The following DNAH9 variants were observed in gnomAD, a reference collection of about 807,000 sequenced individuals.
DNAH9 encodes DNAH9 variant protein.
A neutral mutation model predicts 471.6 loss-of-function variants in DNAH9; 345 were observed. That is an observed-to-expected ratio of 0.73 (90% CI 0.67 to 0.80). The LOEUF (loss-of-function observed/expected upper bound fraction) is 0.80, where lower values mean the gene tolerates loss of function less well. Among genes scored for constraint, DNAH9 ranks in the 30% least tolerant of loss-of-function variants. The pLI, the probability that DNAH9 is intolerant of heterozygous loss-of-function variation, is 0.00. For missense variants in DNAH9, 5,407 were observed against 5,609.2 expected, an observed-to-expected ratio of 0.96 and a Z score of 1.15; for synonymous variants, 2,093 against 2,123.6, an observed-to-expected ratio of 0.99 and a Z score of 0.40.
chr17:11,792,118 C>T (rs554866918), intron 41 of DNAH9, among the ~76,000 whole-genome samples: 2 of 152,090 alleles, frequency 1.3e-5, no homozygotes, highest in South Asian at 4.2e-4. Flanking sequence ...CCCATCTCTA[C>T]TAAAAATTAG....
At chr17:11,694,497 C>A (rs1213491085) in intron 22 of DNAH9, 50 bp downstream of exon 22, 6 of 1,607,206 alleles carry the variant, frequency 3.7e-6, no homozygotes, top group Non-Finnish European at 5.1e-6. Flanking sequence ...TGAGGGGTGC[C>A]CAGCAGGAGG....
intron 31 of DNAH9, among the ~76,000 whole-genome samples, chr17:11,747,271 C>T (rs1346503285): frequency 6.6e-6 from 1 of 152,200 alleles, no homozygotes; most frequent in Non-Finnish European, 1.5e-5. Flanking sequence ...CTCCATCACA[C>T]TATAAGATCA....
chr17:11,739,153 T>C, intron 29 of DNAH9, 116 bp downstream of exon 29: 1 of 1,063,522 alleles, frequency 9.4e-7, no homozygotes, highest in Non-Finnish European at 1.3e-6. Context: ...GAAAAGTAGA[T>C]TTGTAACAAC....
intron 27 of DNAH9, among the ~76,000 whole-genome samples, chr17:11,720,538 A>G (rs2075038588): frequency 6.6e-6 from 1 of 152,206 alleles, no homozygotes; most frequent in Non-Finnish European, 1.5e-5. Context: ...CATGCAAATA[A>G]ATTTGCAGTG....
chr17:11,823,053 C>T lies in DNAH9; in HGVS notation c.9246+19C>T. The T allele has an allele frequency of 6.3e-7, 1 of 1,591,994 alleles. No individual in the cohort carries two copies. Among genetic ancestry groups the T allele is most frequent in the African/African-American group, 1.3e-5 (1 of 74,652 alleles). ...TGCCCAGGTGAGCAATGTCCCGCTCCTTCCACCTGCAGGGGACTTGGAGGG... is the reference window on the plus strand; with the variant it reads ...TGCCCAGGTGAGCAATGTCCCGCTCTTTCCACCTGCAGGGGACTTGGAGGG... On this transcript the variant is annotated intron_variant, in intron 48 of 68. Transcript: ENST00000262442.
chr17:11,841,322 A>G (rs949432161), intron 49 of DNAH9, among the ~76,000 whole-genome samples: 1 of 152,182 alleles, frequency 6.6e-6, no homozygotes, highest in Non-Finnish European at 1.5e-5. Context: ...GCTTTTTCCA[A>G]AGAGGCTCTG....
intron 31 of DNAH9, among the ~76,000 whole-genome samples, chr17:11,747,219 T>G (rs765556348): frequency 6.6e-6 from 1 of 152,230 alleles, no homozygotes; most frequent in Non-Finnish European, 1.5e-5. Context: ...AAGATAGTAC[T>G]TATCCTCTTA....
In DNAH9 at chr17:11,860,840, G is replaced by A. The variant is rs193175491; in HGVS notation, c.9933+6412G>A. ...CCTCTCAAAGTGCTGGGATTACAGG[G>A]GTGAGCCACTGCGCCCTGCCAGAAC... On this transcript the variant is annotated intron_variant, in intron 50 of 68. Transcript: ENST00000262442. 9.2e-4 allele frequency among the ~76,000 whole-genome samples: 140 copies of A among 152,022 alleles called. 1 individual carries two copies. The East Asian group carries it at 0.026, about 29-fold the overall frequency.
At chr17:11,691,063 A>G (rs761343250) in intron 20 of DNAH9, among the ~76,000 whole-genome samples, 4 of 152,102 alleles carry the variant, frequency 2.6e-5, no homozygotes, top group South Asian at 2.1e-4. Context: ...GGCTTCCTCT[A>G]TATTCTTTCA....
At chr17:11,714,442 T>A (rs1478972645) in intron 26 of DNAH9, among the ~76,000 whole-genome samples, 1 of 152,204 alleles carries the variant, frequency 6.6e-6, no homozygotes, top group Non-Finnish European at 1.5e-5. Flanking sequence ...TGAGTATGCC[T>A]CGGGGCCTCC....
In DNAH9 at chr17:11,793,914, G is replaced by C. The variant is rs150469132; in HGVS notation, c.8223+250G>C. On this transcript the variant is annotated intron_variant, in intron 42 of 68. Coordinates refer to ENST00000262442, the MANE Select transcript of DNAH9 (RefSeq NM_001372.4). ...GATCCAAGTCCCCACATGGTACTTA[G>C]TCCCCTAGCAGCATTTCTCAGATTG... 5.2e-3 allele frequency among the ~76,000 whole-genome samples: 789 copies of C among 152,096 alleles called. 4 individuals carry two copies. The highest frequency in any genetic ancestry group is 0.017 in the African/African-American group (715 of 41,484).
rs754488532 is a variant in DNAH9 at position 11,694,406 on chromosome 17, G to A, written c.4831G>A (p.Asp1611Asn). The change falls in exon 22 of 69, where the codon GAT becomes AAT. Residue 1611 changes from aspartate to asparagine, a missense_variant. Transcript: ENST00000262442. ...GCGGTTTTACTTTCTCTCCTCCTCCGATCTGTTAGACATCCTTTCCAACGG... is the reference window on the plus strand; with the variant it reads ...GCGGTTTTACTTTCTCTCCTCCTCCAATCTGTTAGACATCCTTTCCAACGG... ...FPRFYFLSSS[D>N]LLDILSNGTA... 1.5e-5 allele frequency: 24 copies of A among 1,612,972 alleles called. No individual in the cohort carries two copies. Among genetic ancestry groups the A allele is most frequent in the Admixed American group, 5.0e-5 (3 of 59,870 alleles).
chr17:11,689,763 C>T lies in DNAH9; in HGVS notation c.3941C>T (p.Ser1314Phe), dbSNP rs377398053. ...TGGGACACCATTGGAATGGTGACCT[C>T]CAGCATCCATGCCTGGGAGACCACA... Reference protein sequence around the residue: ...ELWDTIGMVTSSIHAWETTPW... With the variant: ...ELWDTIGMVTFSIHAWETTPW... Residue 1314 changes from serine (S) to phenylalanine (F), a missense_variant, in exon 20 of 69, where the codon TCC becomes TTC. Transcript: ENST00000262442. The T allele has an allele frequency of 6.2e-7, 1 of 1,614,126 alleles. No individual in the cohort carries two copies. Among genetic ancestry groups the T allele is most frequent in the Admixed American group, 1.7e-5 (1 of 60,016 alleles).
At chr17:11,820,623 C>T (rs1052836894) in intron 45 of DNAH9, among the ~76,000 whole-genome samples, 2 of 151,998 alleles carry the variant, frequency 1.3e-5, no homozygotes, top group Admixed American at 6.5e-5. Flanking sequence ...TCCTTCACCC[C>T]ATCTATCTAT....
rs554064651 is a variant in DNAH9 at position 11,821,074 on chromosome 17, G to A, written c.8708-846G>A. ...AGGCGGGTGGATCACCTGAGGTCGG[G>A]AGTTCGAGACCAAGCCTGACTAACA... is the stretch of plus-strand genomic sequence containing the variant. On this transcript the variant is annotated intron_variant, in intron 45 of 68. Transcript: ENST00000262442. Among the ~76,000 whole-genome samples, 19 of 152,202 alleles carry A rather than the reference G, an allele frequency of 1.2e-4. No homozygotes were observed. The South Asian group carries it at 2.5e-3, about 20-fold the overall frequency.
intron 38 of DNAH9, among the ~76,000 whole-genome samples, chr17:11,777,585 C>A (rs1249939984): frequency 4.6e-5 from 7 of 152,328 alleles, no homozygotes; most frequent in African/African-American, 1.7e-4. Context: ...CATCACAGTT[C>A]TGAATTCTCT....
chr17:11,832,381 T>A (rs1970710539), intron 48 of DNAH9, among the ~76,000 whole-genome samples: 1 of 152,180 alleles, frequency 6.6e-6, no homozygotes. Context: ...TCCCAAGATT[T>A]AAAAAGGAAC....
intron 60 of DNAH9, among the ~76,000 whole-genome samples, chr17:11,905,378 G>A (rs1367616292): frequency 6.6e-6 from 1 of 152,224 alleles, no homozygotes; most frequent in Non-Finnish European, 1.5e-5. Flanking sequence ...GATTGGTGGG[G>A]TGATGTGAGA....
Position 11,851,930 on chromosome 17 carries a change from C to T in DNAH9, c.9508-2073C>T, listed in dbSNP as rs545778839. ...TATAAAATTCATTTTCATCTCTGTA[C>T]ATTGCTTAACTTATGCTGTTTTAAA... is the stretch of plus-strand genomic sequence containing the variant. On this transcript the variant is annotated intron_variant, in intron 49 of 68. Transcript: ENST00000262442. Among the ~76,000 whole-genome samples the T allele has an allele frequency of 5.3e-5, 8 of 152,298 alleles. No homozygotes were observed. In the East Asian group the frequency reaches 1.5e-3, roughly 29 times the overall value.
Sources: allele counts gnomAD v4.1 joint callset (sites outside exome capture counted in the v4.1 genomes callset), GRCh38; gene constraint gnomAD v4.1.1; transcripts MANE v1.5; gene names NCBI Gene and HGNC (gene_info 2026-07-23, HGNC 2026-07-21).